ARFGEF1: variants seen among roughly 807,000 people sequenced by gnomAD.
ARFGEF1 encodes ARF guanine nucleotide exchange factor 1.
In ARFGEF1, 42 loss-of-function variants were observed where a neutral mutation model predicts 231.0. That is an observed-to-expected ratio of 0.18 (90% CI 0.14 to 0.24). ARFGEF1 has a LOEUF of 0.24. Ranked by LOEUF, ARFGEF1 falls within the 10% of genes least tolerant of loss-of-function variation. The pLI is 1.00. For synonymous variants in ARFGEF1, 710 were observed against 732.3 expected, an observed-to-expected ratio of 0.97 and a Z score of 0.49; for missense variants, 1,345 against 2,192.0, an observed-to-expected ratio of 0.61 and a Z score of 7.72.
intron 5 of ARFGEF1, among the ~76,000 whole-genome samples, chr8:67,192,217 G>A (rs1457264489): frequency 6.6e-6 from 1 of 151,996 alleles, no homozygotes; most frequent in Non-Finnish European, 1.5e-5. Context: ...TGGGATTACA[G>A]GTGCATGCCA....
chr8:67,280,772 CATGA>C (rs765174297), intron 7 of ARFGEF1, among the ~76,000 whole-genome samples: 1 of 152,146 alleles, frequency 6.6e-6, no homozygotes, highest in Non-Finnish European at 1.5e-5. Context: ...ACAGACACCT[CATGA>C]ATTTTGGAAA....
intron 1 of ARFGEF1, among the ~76,000 whole-genome samples, chr8:67,303,208 C>T (rs951642450): frequency 1.3e-5 from 2 of 152,128 alleles, no homozygotes; most frequent in Non-Finnish European, 2.9e-5. Context: ...AATGCACCAA[C>T]CTTGTGATTA....
chr8:67,227,643 T>TA (rs1563850240), intron 25 of ARFGEF1, 45 bp from the exon 26 acceptor site: 1 of 1,569,072 alleles, frequency 6.4e-7, no homozygotes, highest in Admixed American at 1.8e-5. Context: ...ATATCAGCAG[T>TA]AAAAATCTAC....
At chr8:67,342,754 T>C (rs943795249) in intron 1 of ARFGEF1, among the ~76,000 whole-genome samples, 1 of 152,100 alleles carries the variant, frequency 6.6e-6, no homozygotes, top group Admixed American at 6.6e-5. Flanking sequence ...ATACGGAACC[T>C]TTCCCACACC....
intron 1 of ARFGEF1, among the ~76,000 whole-genome samples, chr8:67,310,870 C>T (rs2128921478): frequency 6.6e-6 from 1 of 151,822 alleles, no homozygotes. Flanking sequence ...GCAGCTGCCC[C>T]GTCTGAGAAG....
chr8:67,215,805 G>A (rs949572645), intron 33 of ARFGEF1, among the ~76,000 whole-genome samples: 2 of 152,178 alleles, frequency 1.3e-5, no homozygotes, highest in African/African-American at 4.8e-5. Flanking sequence ...AAGCCACCAA[G>A]TTTGTGGTAA....
intron 19 of ARFGEF1, 109 bp downstream of exon 19, chr8:67,251,190 T>C (rs1210018863): frequency 9.7e-7 from 1 of 1,033,278 alleles, no homozygotes; most frequent in Non-Finnish European, 1.3e-6. Context: ...CCTCAATATG[T>C]CTACACTAAT....
intron 19 of ARFGEF1, among the ~76,000 whole-genome samples, chr8:67,243,320 T>A (rs1839987401): frequency 6.6e-6 from 1 of 152,218 alleles, no homozygotes; most frequent in Non-Finnish European, 1.5e-5. Context: ...CTTAATGGAC[T>A]CAGTTCCATG....
At position 67,223,021 on chromosome 8, in the gene ARFGEF1, C is replaced by G. The variant is rs74633346; in HGVS notation, c.4208+1882G>C. 7.8e-3 allele frequency among the ~76,000 whole-genome samples: 1,189 copies of G among 152,324 alleles called. 19 individuals carry two copies. The highest frequency in any genetic ancestry group is 0.027 in the African/African-American group (1,130 of 41,562). On this transcript the variant is annotated intron_variant, in intron 29 of 38. Coordinates refer to ENST00000262215, the MANE Select transcript of ARFGEF1 (RefSeq NM_006421.5). ...TTGTGTAAGTACATGCTATGATGTT[C>G]ACACAATGCTGAAATTGCCTACTAA...
At chr8:67,305,742 A>T (rs940425813) in intron 1 of ARFGEF1, among the ~76,000 whole-genome samples, 16 of 152,192 alleles carry the variant, frequency 1.1e-4, no homozygotes, top group Non-Finnish European at 2.2e-4. Flanking sequence ...GAAAAATATC[A>T]TTCTACAATT....
intron 19 of ARFGEF1, among the ~76,000 whole-genome samples, chr8:67,244,588 C>G (rs552065476): frequency 6.7e-6 from 1 of 149,330 alleles, no homozygotes; most frequent in Non-Finnish European, 1.5e-5. Context: ...GCATAAACCA[C>G]GGTTCCCAGC....
intron 18 of ARFGEF1, among the ~76,000 whole-genome samples, chr8:67,252,634 G>A (rs1840332994): frequency 6.6e-6 from 1 of 152,084 alleles, no homozygotes; most frequent in Non-Finnish European, 1.5e-5. Context: ...TTATATTCTT[G>A]AGCCACTACC....
chr8:67,285,886 T>C (rs1331205495), intron 7 of ARFGEF1, among the ~76,000 whole-genome samples: 1 of 151,718 alleles, frequency 6.6e-6, no homozygotes, highest in African/African-American at 2.4e-5. Flanking sequence ...AAAAAGCAAA[T>C]GTCATGAAAG....
chr8:67,244,232 G>T (rs1223033313), intron 19 of ARFGEF1, among the ~76,000 whole-genome samples: 1 of 91,364 alleles, frequency 1.1e-5, no homozygotes. Context: ...GACAAAGCGA[G>T]ACTCCACCTC....
chr8:67,218,203 AAAAAATATATATATATATAT>A (rs1443920689), intron 30 of ARFGEF1, 65 bp from the exon 31 acceptor site: 2 of 167,042 alleles, frequency 1.2e-5, no homozygotes, highest in African/African-American at 6.1e-5. Context: ...AAAAAAAAAA[AAAAAATATATATATATATAT>A]ATATATATAT....
chr8:67,198,496 AC>A lies in ARFGEF1; in HGVS notation c.*437del. 2 of 990,436 alleles carry A rather than the reference AC, an allele frequency of 2.0e-6. No homozygotes were observed. Among genetic ancestry groups the A allele is most frequent in the Non-Finnish European group, 2.4e-6 (2 of 833,282 alleles). The allele number at this position is 990,436 out of a possible 1,614,324, so 61.4% of individuals were successfully genotyped here. A position where few individuals can be genotyped will look rare whatever the true frequency, so the allele number is the denominator to read the frequency against. On this transcript the variant is annotated 3_prime_UTR_variant, in exon 39 of 39. Transcript: ENST00000262215. ...ATACCATAGTTGCTAAATATCTTTT[AC>A]CATGAACAATAATTTCTTCTTCTCT...
At chr8:67,182,344 T>C (rs1357191836) in intron 5 of ARFGEF1, among the ~76,000 whole-genome samples, 1 of 152,160 alleles carries the variant, frequency 6.6e-6, no homozygotes, top group Non-Finnish European at 1.5e-5. Flanking sequence ...GTGAATAATA[T>C]TCCATTGTAT....
intron 18 of ARFGEF1, 107 bp from the exon 19 acceptor site, chr8:67,251,557 TAAG>T: frequency 2.7e-6 from 3 of 1,131,008 alleles, no homozygotes; most frequent in Non-Finnish European, 3.6e-6. Context: ...AAAGTAATCC[TAAG>T]AAGCAAGACA....
rs36084458 is a variant in ARFGEF1 at position 67,177,070 on chromosome 8, C to CAA, written c.561-1500_561-1499dup. Among the ~76,000 whole-genome samples the CAA allele has an allele frequency of 9.0e-3, 447 of 49,838 alleles. 2 individuals carry two copies. Among genetic ancestry groups the CAA allele is most frequent in the Middle Eastern group, 0.021 (2 of 94 alleles). 32.7% of individuals were successfully genotyped at this position (49,838 alleles called of 152,430 possible). A position where few individuals can be genotyped will look rare whatever the true frequency, so the allele number is the denominator to read the frequency against. Reference sequence around the variant, plus strand: ...TGGGCAACAGAGTGAGACTTAGTCTCAAAAAAAAAAAAAAAAAAAAAAAGA... The same window carrying CAA: ...TGGGCAACAGAGTGAGACTTAGTCTCAAAAAAAAAAAAAAAAAAAAAAAAAGA... On this transcript the variant is annotated intron_variant, in intron 5 of 5. Coordinates refer to the ARFGEF1 transcript ENST00000518789.
Sources: allele counts gnomAD v4.1 joint callset (sites outside exome capture counted in the v4.1 genomes callset), GRCh38; gene constraint gnomAD v4.1.1; transcripts MANE v1.5; gene names NCBI Gene and HGNC (gene_info 2026-07-23, HGNC 2026-07-21).